PPP2R5E: variants seen among roughly 807,000 people sequenced by gnomAD.
The protein encoded by PPP2R5E is serine/threonine-protein phosphatase 2A 56 kDa regulatory subunit epsilon isoform.
In PPP2R5E, 4 loss-of-function variants were observed where a neutral mutation model predicts 65.3. The observed-to-expected ratio is 0.06, with a 90% CI of 0.03 to 0.14. The LOEUF is 0.14. Among genes scored for constraint, PPP2R5E ranks in the 10% least tolerant of loss-of-function variants. The pLI, the probability that PPP2R5E is intolerant of heterozygous loss-of-function variation, is 1.00. For missense variants in PPP2R5E, 274 were observed against 556.1 expected, an observed-to-expected ratio of 0.49 and a Z score of 5.10; for synonymous variants, 183 against 187.4, an observed-to-expected ratio of 0.98 and a Z score of 0.19.
chr14:63,520,901 T>C (rs571242349), intron 2 of PPP2R5E, among the ~76,000 whole-genome samples: 1 of 137,946 alleles, frequency 7.2e-6, no homozygotes, highest in East Asian at 2.3e-4. Context: ...TAGCCGGGCA[T>C]GGTAGCAGGT....
At chr14:63,529,942 G>A (rs1893343368) in intron 2 of PPP2R5E, among the ~76,000 whole-genome samples, 1 of 152,262 alleles carries the variant, frequency 6.6e-6, no homozygotes, top group East Asian at 1.9e-4. Flanking sequence ...AAGGGTAGAT[G>A]CATATGTGCA....
intron 2 of PPP2R5E, among the ~76,000 whole-genome samples, chr14:63,472,535 TCTAA>T (rs1365055245): frequency 2.6e-5 from 4 of 152,188 alleles, no homozygotes; most frequent in African/African-American, 9.7e-5. Context: ...TGATTTGGAG[TCTAA>T]CTGAGAGTTC....
intron 7 of PPP2R5E, 25 bp downstream of exon 7, chr14:63,395,201 T>C: frequency 6.3e-7 from 1 of 1,581,252 alleles, no homozygotes; most frequent in Non-Finnish European, 8.7e-7. Context: ...CATCTGAGAT[T>C]AGCAATTAGA....
intron 2 of PPP2R5E, among the ~76,000 whole-genome samples, chr14:63,535,329 A>C (rs921154436): frequency 6.6e-6 from 1 of 152,012 alleles, no homozygotes; most frequent in Non-Finnish European, 1.5e-5. Context: ...GCCTGAGGCA[A>C]GAGAATCACT....
intron 2 of PPP2R5E, among the ~76,000 whole-genome samples, chr14:63,531,342 G>A (rs905956916): frequency 1.9e-4 from 28 of 149,450 alleles, no homozygotes; most frequent in Admixed American, 1.7e-3. Context: ...GTGTCCATGT[G>A]TTCTCATTGT....
At chr14:63,378,150 A>G (rs1884097604) in intron 13 of PPP2R5E, among the ~76,000 whole-genome samples, 1 of 152,218 alleles carries the variant, frequency 6.6e-6, no homozygotes, top group African/African-American at 2.4e-5. Flanking sequence ...CAATTTGGGT[A>G]TATATAAATC....
At chr14:63,399,366 C>CTTTTTGTT (rs1885606310) in intron 5 of PPP2R5E, among the ~76,000 whole-genome samples, 1 of 48,504 alleles carries the variant, frequency 2.1e-5, no homozygotes, top group Non-Finnish European at 3.6e-5. Context: ...GGATTTCTTT[C>CTTTTTGTT]TTTTTTTTTT....
chr14:63,481,108 G>C lies in PPP2R5E; in HGVS notation c.158-27223C>G, dbSNP rs532513436. On this transcript the variant is annotated intron_variant, in intron 2 of 13. Coordinates refer to ENST00000337537, the MANE Select transcript of PPP2R5E (RefSeq NM_006246.5). ...TAACTCAGAAACAGTTCAAGGGACT[G>C]AGTGATGCTGCAATAACAGAACACT... Among the ~76,000 whole-genome samples the C allele has an allele frequency of 7.2e-5, 11 of 152,304 alleles. No homozygotes were observed. In the East Asian group the frequency reaches 2.1e-3, roughly 29 times the overall value.
In PPP2R5E at chr14:63,468,985, G is replaced by C. The variant is rs1179767425; in HGVS notation, c.158-15100C>G. On this transcript the variant is annotated intron_variant, in intron 2 of 13. Transcript: ENST00000337537. ...GCAAACTTTTAATTGCCTCCTAGAAGGGTTCAGACTAAGTCTGGAAGGGAT... is the reference window on the plus strand; with the variant it reads ...GCAAACTTTTAATTGCCTCCTAGAACGGTTCAGACTAAGTCTGGAAGGGAT... Among the ~76,000 whole-genome samples the C allele has an allele frequency of 9.9e-5, 15 of 152,248 alleles. No homozygotes were observed. The East Asian group carries it at 2.9e-3, about 29-fold the overall frequency.
intron 2 of PPP2R5E, among the ~76,000 whole-genome samples, chr14:63,531,256 G>A (rs1893422088): frequency 6.6e-6 from 1 of 152,102 alleles, no homozygotes; most frequent in African/African-American, 2.4e-5. Flanking sequence ...TTAACATTAG[G>A]TATATCTCCT....
chr14:63,429,920 G>A (rs1887541583), intron 3 of PPP2R5E, among the ~76,000 whole-genome samples: 1 of 151,992 alleles, frequency 6.6e-6, no homozygotes, highest in African/African-American at 2.4e-5. Context: ...CTGACCTCAG[G>A]CGATCCACCC....
At chr14:63,405,489 A>C (rs1308238884) in intron 5 of PPP2R5E, among the ~76,000 whole-genome samples, 1 of 152,260 alleles carries the variant, frequency 6.6e-6, no homozygotes, top group Non-Finnish European at 1.5e-5. Context: ...TGATAATTAC[A>C]GTACCTTTCA....
At chr14:63,538,616 CA>C (rs1218314442) in intron 2 of PPP2R5E, among the ~76,000 whole-genome samples, 1 of 151,120 alleles carries the variant, frequency 6.6e-6, no homozygotes, top group African/African-American at 2.4e-5. Flanking sequence ...GAGATTGTCT[CA>C]AAAGAAAATT....
intron 4 of PPP2R5E, among the ~76,000 whole-genome samples, chr14:63,420,324 T>G (rs1253268160): frequency 6.6e-6 from 1 of 152,146 alleles, no homozygotes; most frequent in Non-Finnish European, 1.5e-5. Context: ...GAGTAAGACA[T>G]GACAATTCAC....
chr14:63,455,692 A>G (rs950788507), intron 2 of PPP2R5E, among the ~76,000 whole-genome samples: 2 of 152,262 alleles, frequency 1.3e-5, no homozygotes, highest in African/African-American at 2.4e-5. Flanking sequence ...GCTTATGAGC[A>G]TGACTATATC....
intron 2 of PPP2R5E, 30 bp from the exon 3 acceptor site, chr14:63,453,915 C>T: frequency 2.1e-6 from 3 of 1,406,664 alleles, no homozygotes; most frequent in Non-Finnish European, 2.8e-6. Flanking sequence ...TGGTGTAAGT[C>T]TGTCATCAAT....
At chr14:63,538,764 G>A (rs1893773862) in intron 2 of PPP2R5E, among the ~76,000 whole-genome samples, 1 of 151,422 alleles carries the variant, frequency 6.6e-6, no homozygotes, top group Non-Finnish European at 1.5e-5. Context: ...GACCAACATG[G>A]TGAAACCCTG....
Position 63,384,521 on chromosome 14 carries a change from C to G in PPP2R5E, c.1125G>C (p.Leu375Phe). The change falls in exon 12 of 14, where the codon TTG becomes TTC. Residue 375 changes from leucine to phenylalanine, a missense_variant. Physicochemically the swap from Leu to Phe is conservative, Grantham distance 22. Around this residue, in one of 6 missense-constraint regions of PPP2R5E, gnomAD observed 129 missense variants for 254.9 expected, o/e 0.51. Coordinates refer to ENST00000337537, the MANE Select transcript of PPP2R5E (RefSeq NM_006246.5). ...GGATGACGTTAGAGTTTTCTTCTAT[C>G]AAACTCATGATGTATTCATTATTCC... ...YYWNNEYIMS[L>F]IEENSNVILP... 1 of 1,613,776 alleles carries G rather than the reference C, an allele frequency of 6.2e-7. No individual in the cohort carries two copies. The highest frequency in any genetic ancestry group is 8.5e-7 in the Non-Finnish European group (1 of 1,179,798).
At chr14:63,481,436 C>T (rs1286970318) in intron 2 of PPP2R5E, among the ~76,000 whole-genome samples, 1 of 144,782 alleles carries the variant, frequency 6.9e-6, no homozygotes, top group Non-Finnish European at 1.5e-5. Context: ...GCGGAGGTTG[C>T]AGTGAGCCGA....
Sources: gnomAD v4.1 joint callset for allele counts (sites outside exome capture counted in the v4.1 genomes callset) on GRCh38, gnomAD v4.1.1 for gene constraint, gnomAD v4.1.1 regional missense constraint, MANE v1.5 for transcripts, NCBI Gene and HGNC (gene_info 2026-07-23, HGNC 2026-07-21) for gene names.